Variants in TUBD1 observed in about 807,000 individuals in gnomAD.
TUBD1 encodes the protein tubulin delta chain.
TUBD1 carries 38 observed loss-of-function variants against 51.2 expected under a neutral mutation model. The observed-to-expected ratio is 0.74, with a 90% CI of 0.57 to 0.97. The LOEUF (loss-of-function observed/expected upper bound fraction) is 0.97, where lower values mean the gene tolerates loss of function less well. Ranked by LOEUF, TUBD1 falls within the 50% of genes least tolerant of loss-of-function variation. TUBD1 has a pLI of 0.00. For missense variants in TUBD1, 489 were observed against 538.4 expected (o/e 0.91, Z 0.91); for synonymous variants, 169 against 178.2 (o/e 0.95, Z 0.41).
Position 59,874,557 on chromosome 17 carries a change from T to C in TUBD1, c.916A>G (p.Asn306Asp). ...LKHLRQMLIS[N>D]AKMEEGIDRH... is the part of the protein sequence containing the mutation. ...TCTTTACCTTCTTCCATCTTTGCAT[T>C]AGAAATGAGCATCTGTCTCAAATGC... Residue 306 changes from asparagine (N) to aspartate (D), a missense_variant, in exon 6 of 9, where the codon AAT becomes GAT. Transcript: ENST00000325752. 1 of 1,611,156 alleles carries C rather than the reference T, an allele frequency of 6.2e-7. No individual in the cohort carries two copies. The highest frequency in any genetic ancestry group is 8.5e-7 in the Non-Finnish European group (1 of 1,179,478).
At position 59,890,991 on chromosome 17, in the gene TUBD1, T is replaced by TA; in HGVS notation, c.11dup (p.Thr5AsnfsTer14). The TA allele has an allele frequency of 1.2e-6, 2 of 1,610,720 alleles. No individual in the cohort carries two copies. The highest frequency in any genetic ancestry group is 1.7e-6 in the Non-Finnish European group (2 of 1,179,180). On this transcript the variant is annotated frameshift_variant, in exon 2 of 9. Coordinates refer to ENST00000325752, the MANE Select transcript of TUBD1 (RefSeq NM_016261.4). LOFTEE classifies it high-confidence loss of function. Reference sequence around the variant, plus strand: ...TGCCACACTGACCAAGTTGCACTGTTACAATTGACATGCTGAGCCACAAAC... The same window carrying TA: ...TGCCACACTGACCAAGTTGCACTGTTAACAATTGACATGCTGAGCCACAAAC...
intron 6 of TUBD1, among the ~76,000 whole-genome samples, chr17:59,873,821 C>T (rs754605665): frequency 6.6e-5 from 10 of 151,748 alleles, no homozygotes; most frequent in East Asian, 1.9e-4. Context: ...GCCGAGATCG[C>T]GCCACTGCAC....
rs137993141 is a variant in TUBD1 at position 59,881,016 on chromosome 17, T to C, written c.415A>G (p.Ile139Val). The change falls in exon 4 of 9, where the codon ATA becomes GTA. Residue 139 changes from isoleucine (I) to valine (V), a missense_variant. Physicochemically the swap from Ile to Val is conservative, Grantham distance 29. Transcript: ENST00000325752. Reference protein sequence around the residue: ...KCDSFSGFFIIMSMAGGTGSG... With the variant: ...KCDSFSGFFIVMSMAGGTGSG... ...CCTGTGCCCCCAGCCATACTCATTA[T>C]GATGAAAAAACCACTGAAAGAGTCA... 1.5e-3 allele frequency: 2,465 copies of C among 1,614,190 alleles called. 6 individuals are homozygous for C. The highest frequency in any genetic ancestry group is 2.0e-3 in the Non-Finnish European group (2,327 of 1,180,018).
chr17:59,887,328 C>A (rs1391235659), intron 2 of TUBD1, among the ~76,000 whole-genome samples: 1 of 151,454 alleles, frequency 6.6e-6, no homozygotes, highest in South Asian at 2.1e-4. Flanking sequence ...GCTGCAATCA[C>A]ACCACTGTGC....
intron 6 of TUBD1, among the ~76,000 whole-genome samples, chr17:59,871,710 G>C (rs1205957969): frequency 6.6e-6 from 1 of 152,134 alleles, no homozygotes; most frequent in African/African-American, 2.4e-5. Flanking sequence ...AATGGAATGG[G>C]AAGATAAATG....
chr17:59,871,151 T>C (rs565801154), intron 6 of TUBD1, among the ~76,000 whole-genome samples: 10 of 152,174 alleles, frequency 6.6e-5, no homozygotes, highest in Non-Finnish European at 1.0e-4. Flanking sequence ...TAGAATCCTA[T>C]CCCTGGCCAA....
intron 2 of TUBD1, among the ~76,000 whole-genome samples, chr17:59,889,806 C>T (rs2040912267): frequency 6.6e-6 from 1 of 151,460 alleles, no homozygotes; most frequent in African/African-American, 2.4e-5. Context: ...CCTGTCTCTA[C>T]TAAAAATACA....
At chr17:59,862,714 ATTTTTT>A (rs71145582) in intron 8 of TUBD1, among the ~76,000 whole-genome samples, 2 of 56,986 alleles carry the variant, frequency 3.5e-5, no homozygotes, top group African/African-American at 8.4e-5. Context: ...TAATTTTTGT[ATTTTTT>A]TTTTTTTTTT....
At chr17:59,861,479 G>T (rs73317194) in intron 8 of TUBD1, among the ~76,000 whole-genome samples, 1 of 151,782 alleles carries the variant, frequency 6.6e-6, no homozygotes, top group African/African-American at 2.4e-5. Context: ...GGTTACAAGC[G>T]TGAGCCACCA....
intron 6 of TUBD1, among the ~76,000 whole-genome samples, chr17:59,869,640 G>A (rs1381152359): frequency 1.3e-5 from 2 of 152,022 alleles, no homozygotes; most frequent in Non-Finnish European, 2.9e-5. Context: ...GGTATTGCTC[G>A]AAAAACAGGT....
intron 3 of TUBD1, among the ~76,000 whole-genome samples, chr17:59,884,383 C>T (rs1410720780): frequency 2.6e-5 from 4 of 151,966 alleles, no homozygotes; most frequent in African/African-American, 7.2e-5. Flanking sequence ...GAGGCCAAGG[C>T]GGGTGGATCA....
Position 59,863,751 on chromosome 17 carries a change from T to C in TUBD1, c.1172A>G (p.Lys391Arg). Residue 391 changes from lysine to arginine, a missense_variant, in exon 8 of 9, where the codon AAG (lysine) becomes AGG (arginine). Transcript: ENST00000325752. ...GCTGTTGCTGACCAACACTGCAGAC[T>C]TCTCATATTTGCTAAAGGCCCGCTG... The part of the protein sequence containing the change: ...KTQRAFSKYE[K>R]SAVLVSNSQF... The C allele has an allele frequency of 6.2e-7, 1 of 1,611,060 alleles. No individual in the cohort carries two copies. Among genetic ancestry groups the C allele is most frequent in the Non-Finnish European group, 8.5e-7 (1 of 1,179,102 alleles).
At chr17:59,888,536 A>C (rs1450246120) in intron 2 of TUBD1, among the ~76,000 whole-genome samples, 1 of 152,178 alleles carries the variant, frequency 6.6e-6, no homozygotes, top group African/African-American at 2.4e-5. Flanking sequence ...GATATCCACT[A>C]ATCTGTCTAG....
chr17:59,861,178 C>T (rs1379872193), intron 8 of TUBD1, among the ~76,000 whole-genome samples: 2 of 141,840 alleles, frequency 1.4e-5, no homozygotes, highest in Non-Finnish European at 3.0e-5. Context: ...TCCTCTCAAT[C>T]CCTCCCACCC....
rs755951674 is a variant in TUBD1, at chr17:59,886,237, G to A, written c.173-7C>T. On this transcript the variant is annotated splice_region_variant and splice_polypyrimidine_tract_variant and intron_variant, in intron 2 of 8. Transcript: ENST00000325752. ...ACAGCCCGGGCAATTGGAACTAGAG[G>A]GGGAAAAAAACCCAAAAACATCGAA... 2.5e-6 allele frequency: 4 copies of A among 1,597,766 alleles called. No homozygotes were observed. The highest frequency in any genetic ancestry group is 3.4e-6 in the Non-Finnish European group (4 of 1,174,734).
chr17:59,877,858 T>C (rs144436307), intron 5 of TUBD1, among the ~76,000 whole-genome samples: 108 of 151,914 alleles, frequency 7.1e-4, no homozygotes, highest in African/African-American at 2.4e-3. Context: ...CAACATGGTT[T>C]CTATTAAAAA....
chr17:59,865,360 C>A, intron 7 of TUBD1, among the ~76,000 whole-genome samples: 1 of 150,300 alleles, frequency 6.7e-6, no homozygotes, highest in African/African-American at 2.4e-5. Context: ...AGTTTGAGAC[C>A]AGCCTGGTCT....
chr17:59,861,047 A>T (rs1425451069), intron 8 of TUBD1, among the ~76,000 whole-genome samples: 1 of 152,060 alleles, frequency 6.6e-6, no homozygotes, highest in Admixed American at 6.6e-5. Context: ...AAACTCTGAA[A>T]AGTGCCTGAA....
At chr17:59,877,812 T>C (rs1389959403) in intron 5 of TUBD1, among the ~76,000 whole-genome samples, 3 of 150,996 alleles carry the variant, frequency 2.0e-5, no homozygotes, top group Non-Finnish European at 4.4e-5. Flanking sequence ...TTGCACACTT[T>C]AAATGGGTGA....
Sources: gnomAD v4.1 joint callset for allele counts (sites outside exome capture counted in the v4.1 genomes callset) on GRCh38, gnomAD v4.1.1 for gene constraint, MANE v1.5 for transcripts, NCBI Gene and HGNC (gene_info 2026-07-23, HGNC 2026-07-21) for gene names.